PRMT9: variants seen among roughly 807,000 people sequenced by gnomAD.
PRMT9 encodes the protein protein arginine N-methyltransferase 9.
In PRMT9, 59 loss-of-function variants were observed where a neutral mutation model predicts 83.2. That is an observed-to-expected ratio of 0.71 (90% CI 0.57 to 0.88). The LOEUF (loss-of-function observed/expected upper bound fraction) is 0.88. Ranked by LOEUF, PRMT9 falls within the 40% of genes least tolerant of loss-of-function variation. The probability of loss-of-function intolerance (pLI) is 0.00; values close to 1 mark genes in which losing one functional copy is unlikely to be tolerated. For missense variants in PRMT9, 947 were observed against 1,021.9 expected, an observed-to-expected ratio of 0.93 and a Z score of 1.00; for synonymous variants, 333 against 353.2, an observed-to-expected ratio of 0.94 and a Z score of 0.64.
intron 7 of PRMT9, among the ~76,000 whole-genome samples, chr4:147,659,855 A>G (rs1734832834): frequency 6.6e-6 from 1 of 152,086 alleles, no homozygotes; most frequent in African/African-American, 2.4e-5. Flanking sequence ...TGCTGGGAGG[A>G]CAGGCATGAG....
chr4:147,652,816 C>T (rs1381849200), intron 9 of PRMT9, among the ~76,000 whole-genome samples: 1 of 151,336 alleles, frequency 6.6e-6, no homozygotes, highest in African/African-American at 2.4e-5. Context: ...AAGTTTGAAA[C>T]AATGTTATGT....
chr4:147,658,515 G>A (rs1941993441), intron 7 of PRMT9, among the ~76,000 whole-genome samples: 1 of 152,182 alleles, frequency 6.6e-6, no homozygotes, highest in African/African-American at 2.4e-5. Flanking sequence ...TTGCTTGAAA[G>A]TCTTAAACAG....
chr4:147,660,916 C>T lies in PRMT9; in HGVS notation c.1076G>A (p.Arg359Gln), dbSNP rs763286581. 2.5e-6 allele frequency: 4 copies of T among 1,613,440 alleles called. No homozygotes were observed. The highest frequency in any genetic ancestry group is 1.3e-5 in the African/African-American group (1 of 74,880). Residue 359 changes from arginine to glutamine, a missense_variant, in exon 7 of 12, where the codon CGA (arginine) becomes CAA (glutamine). Transcript: ENST00000322396. ...CAAAGCCAAATATCCTCCAGGAACT[C>T]GACTCATCTTTTCAGTTGTATAAGG... Reference protein sequence around the residue: ...IEPYTTEKMSRVPGGYLALTE... With the variant: ...IEPYTTEKMSQVPGGYLALTE...
At chr4:147,679,540 G>C (rs1736320295) in intron 2 of PRMT9, among the ~76,000 whole-genome samples, 1 of 152,094 alleles carries the variant, frequency 6.6e-6, no homozygotes. Context: ...TTGAGGTCAG[G>C]AGTTCGAGAC....
intron 7 of PRMT9, among the ~76,000 whole-genome samples, chr4:147,659,514 T>G (rs977921777): frequency 3.3e-5 from 5 of 151,940 alleles, no homozygotes; most frequent in Admixed American, 6.6e-5. Flanking sequence ...ACATTTAACC[T>G]TACCTATTAA....
At position 147,653,930 on chromosome 4, in the gene PRMT9, C is replaced by CA. The variant is rs1451002200; in HGVS notation, c.1966dup (p.Trp656LeufsTer10). On this transcript the variant is annotated frameshift_variant, in exon 9 of 12. Coordinates refer to ENST00000322396, the MANE Select transcript of PRMT9 (RefSeq NM_138364.4). LOFTEE classifies it high-confidence loss of function. ...AATGACATCCAATATAATTATGCTC[C>CA]ATAACTTGTCTGATTTTGGCCTTTG... is the stretch of plus-strand genomic sequence containing the variant. The CA allele has an allele frequency of 6.2e-7, 1 of 1,614,180 alleles. No individual in the cohort carries two copies.
intron 2 of PRMT9, among the ~76,000 whole-genome samples, chr4:147,679,527 C>T (rs1308730724): frequency 1.3e-5 from 2 of 151,876 alleles, no homozygotes; most frequent in African/African-American, 2.4e-5. Flanking sequence ...GCGGGTGGAT[C>T]GCTTGAGGTC....
At chr4:147,641,008 A>T (rs1733361355) in intron 10 of PRMT9, among the ~76,000 whole-genome samples, 1 of 152,238 alleles carries the variant, frequency 6.6e-6, no homozygotes, top group Admixed American at 6.5e-5. Flanking sequence ...CCACCACACC[A>T]GCCCTACCTT....
At chr4:147,679,335 G>A (rs917321379) in intron 2 of PRMT9, among the ~76,000 whole-genome samples, 1 of 152,124 alleles carries the variant, frequency 6.6e-6, no homozygotes, top group Non-Finnish European at 1.5e-5. Flanking sequence ...CTGGAGTGCA[G>A]GTGGGGGCGC....
At position 147,653,433 on chromosome 4, in the gene PRMT9, A is replaced by T. The variant is rs77439633; in HGVS notation, c.2045+419T>A. ...CTCCAGCCTGGGCAGCAAGAGCGAA[A>T]CTCCGTCTTAAAAAAAAAAAATATA... On this transcript the variant is annotated intron_variant, in intron 9 of 11. Coordinates refer to ENST00000322396, the MANE Select transcript of PRMT9 (RefSeq NM_138364.4). Among the ~76,000 whole-genome samples the T allele has an allele frequency of 1.5e-3, 200 of 129,544 alleles. 2 individuals are homozygous for T. The highest frequency in any genetic ancestry group is 7.8e-3 in the African/African-American group (196 of 25,042). 85.0% of individuals were successfully genotyped at this position (129,544 alleles called of 152,430 possible).
intron 10 of PRMT9, among the ~76,000 whole-genome samples, chr4:147,640,232 T>G (rs552998565): frequency 6.6e-6 from 1 of 151,496 alleles, no homozygotes; most frequent in Non-Finnish European, 1.5e-5. Context: ...ACCACCACAC[T>G]TGGCTAATAT....
rs1734631375 is a variant in PRMT9 at position 147,657,851 on chromosome 4, G to A, written c.1271C>T (p.Thr424Ile). ...CCAACATGTTTCCTCACTAGGACTT[G>A]TGGATAAACTATGTTCATCATCAAG... ...LQLDDEHSLS[T>I]SPSEETCWEQ... Residue 424 changes from threonine to isoleucine, a missense_variant, in exon 8 of 12, where the codon ACA (threonine) becomes ATA (isoleucine). Physicochemically the swap from Thr to Ile is moderately conservative, Grantham distance 89. Coordinates refer to ENST00000322396, the MANE Select transcript of PRMT9 (RefSeq NM_138364.4). 6.2e-7 allele frequency: 1 copy of A among 1,610,796 alleles called. No homozygotes were observed. The highest frequency in any genetic ancestry group is 1.4e-5 in the African/African-American group (1 of 73,630).
chr4:147,655,560 G>T (rs1201050047), intron 8 of PRMT9, among the ~76,000 whole-genome samples: 1 of 152,004 alleles, frequency 6.6e-6, no homozygotes, highest in Non-Finnish European at 1.5e-5. Flanking sequence ...ACTTTTTTGG[G>T]TTTTTTGGAG....
intron 6 of PRMT9, among the ~76,000 whole-genome samples, chr4:147,666,116 TAAGC>T (rs756710297): frequency 1.3e-4 from 20 of 152,248 alleles, no homozygotes; most frequent in South Asian, 2.1e-4. Context: ...TGTGCTAACA[TAAGC>T]AGTTAGAAAT....
intron 2 of PRMT9, among the ~76,000 whole-genome samples, chr4:147,674,889 C>T (rs1036720887): frequency 6.6e-6 from 1 of 152,230 alleles, no homozygotes; most frequent in African/African-American, 2.4e-5. Flanking sequence ...AATGTGTGGA[C>T]CACACATGGA....
At chr4:147,668,334 G>A (rs374407443) in intron 6 of PRMT9, among the ~76,000 whole-genome samples, 5 of 151,766 alleles carry the variant, frequency 3.3e-5, no homozygotes, top group East Asian at 3.9e-4. Context: ...ACGTGGTCTC[G>A]TGCTGTCTCT....
intron 7 of PRMT9, among the ~76,000 whole-genome samples, chr4:147,659,190 A>G (rs1330032325): frequency 6.7e-6 from 1 of 149,610 alleles, no homozygotes; most frequent in South Asian, 2.1e-4. Context: ...AAAAAAAAAA[A>G]AAGAGTTCGA....
intron 9 of PRMT9, among the ~76,000 whole-genome samples, chr4:147,644,318 C>T (rs1733591750): frequency 6.7e-6 from 1 of 150,050 alleles, no homozygotes; most frequent in Non-Finnish European, 1.5e-5. Context: ...TTAACTTCTC[C>T]AAAGGCTTAA....
At chr4:147,671,785 T>G in intron 4 of PRMT9, 1 of 452,574 alleles carries the variant, frequency 2.2e-6, no homozygotes, top group South Asian at 1.6e-5. Context: ...TTCTACAACA[T>G]TATCTGTGAG....
Sources: gnomAD v4.1 joint callset for allele counts (sites outside exome capture counted in the v4.1 genomes callset) on GRCh38, gnomAD v4.1.1 for gene constraint, MANE v1.5 for transcripts, NCBI Gene and HGNC (gene_info 2026-07-23, HGNC 2026-07-21) for gene names.